ADCY9: variants seen among roughly 807,000 people sequenced by gnomAD.
ADCY9 encodes the protein adenylate cyclase 9.
ADCY9 carries 50 observed loss-of-function variants against 101.5 expected under a neutral mutation model. The observed-to-expected ratio is 0.49, with a 90% CI of 0.39 to 0.62. The LOEUF (loss-of-function observed/expected upper bound fraction) is 0.62, where lower values mean the gene tolerates loss of function less well. Ranked by LOEUF, ADCY9 falls within the 20% of genes least tolerant of loss-of-function variation. The pLI is 0.00. For synonymous variants in ADCY9, 905 were observed against 769.3 expected (o/e 1.18, Z -2.92); for missense variants, 1,662 against 1,800.4 (o/e 0.92, Z 1.39).
intron 2 of ADCY9, among the ~76,000 whole-genome samples, chr16:4,026,380 C>A (rs527724891): frequency 6.9e-6 from 1 of 144,542 alleles, no homozygotes. Flanking sequence ...GCTGAGATCA[C>A]GCCATTGCAC....
At chr16:3,958,102 T>G (rs1433351996), downstream of ADCY9, among the ~76,000 whole-genome samples, 1 of 152,128 alleles carries the variant, frequency 6.6e-6, no homozygotes, top group African/African-American at 2.4e-5. Flanking sequence ...CCATCGGCTC[T>G]TCCCTCAAAG....
At chr16:4,096,229 G>C (rs1286535596) in intron 2 of ADCY9, among the ~76,000 whole-genome samples, 1 of 152,138 alleles carries the variant, frequency 6.6e-6, no homozygotes, top group Non-Finnish European at 1.5e-5. Flanking sequence ...GTTGAAACAA[G>C]AGGACAAAGA....
intron 6 of ADCY9, among the ~76,000 whole-genome samples, chr16:3,985,913 C>T (rs538964066): frequency 6.6e-6 from 1 of 152,232 alleles, no homozygotes; most frequent in Admixed American, 6.5e-5. Context: ...GGGAGTGCCA[C>T]CTGTCCCAGT....
chr16:4,081,953 C>A (rs2056906330), intron 2 of ADCY9, among the ~76,000 whole-genome samples: 1 of 151,938 alleles, frequency 6.6e-6, no homozygotes, highest in Non-Finnish European at 1.5e-5. Flanking sequence ...ATGTGGGTTC[C>A]AAGCAGCAAG....
Position 3,966,314 on chromosome 16 carries a change from C to T in ADCY9, c.3523G>A (p.Gly1175Arg), listed in dbSNP as rs1158584676. 8.7e-6 allele frequency: 14 copies of T among 1,613,998 alleles called. No homozygotes were observed. The highest frequency in any genetic ancestry group is 2.2e-5 in the East Asian group (1 of 44,882). ...AGCAGCTTGGTGGTGCCGATGACCC[C>T]GGCCGTGAGGGGCCCATGGTTGAAG... ...VGFNHGPLTA[G>R]VIGTTKLLYD... is the part of the protein sequence containing the mutation. Residue 1175 changes from glycine (G) to arginine (R), a missense_variant, in exon 11 of 11, where the codon GGG becomes AGG. Coordinates refer to ENST00000294016, the MANE Select transcript of ADCY9 (RefSeq NM_001116.4).
chr16:4,024,253 C>A (rs2056498419), intron 2 of ADCY9, among the ~76,000 whole-genome samples: 1 of 152,014 alleles, frequency 6.6e-6, no homozygotes, highest in South Asian at 2.1e-4. Flanking sequence ...AAAGTCCTGA[C>A]CTCATGATCC....
chr16:3,973,059 C>G (rs1319741844), intron 10 of ADCY9, among the ~76,000 whole-genome samples: 1 of 152,008 alleles, frequency 6.6e-6, no homozygotes, highest in African/African-American at 2.4e-5. Flanking sequence ...CTAGTTGTAC[C>G]TATAGTACAT....
At chr16:4,070,702 T>A (rs113392162) in intron 2 of ADCY9, among the ~76,000 whole-genome samples, 1 of 152,116 alleles carries the variant, frequency 6.6e-6, no homozygotes, top group South Asian at 2.1e-4. Flanking sequence ...TCCTATCACT[T>A]TGGGAGGCCG....
At chr16:4,086,335 G>A (rs1012444630) in intron 2 of ADCY9, among the ~76,000 whole-genome samples, 3 of 152,076 alleles carry the variant, frequency 2.0e-5, no homozygotes, top group African/African-American at 7.2e-5. Context: ...CATGTACTAC[G>A]TGGCAGGGGT....
rs1178101543 is a variant in ADCY9, at chr16:4,114,168, G to A, written c.1275C>T (p.Arg425=). 5 of 1,613,808 alleles carry A rather than the reference G, an allele frequency of 3.1e-6. No homozygotes were observed. The highest frequency in any genetic ancestry group is 2.2e-5 in the East Asian group (1 of 44,896). The change falls in exon 2 of 11, where the codon CGC becomes CGT. Residue 425 remains arginine (R), a synonymous_variant. Coordinates refer to ENST00000294016, the MANE Select transcript of ADCY9 (RefSeq NM_001116.4). The surrounding 1 kb of genome is among the most constrained non-coding windows in gnomAD (Gnocchi z 4.3). The stretch of plus-strand genomic sequence containing the variant: ...TGGTCTCCTCACACAGGCGGTCGAA[G>A]CGACCGAACAGATCGTTCAGGAGAC... The part of the protein sequence containing the change: ...LVGLLNDLFG[R]FDRLCEETKC...
chr16:4,114,288 A>T lies in ADCY9; in HGVS notation c.1155T>A (p.Phe385Leu). The T allele has an allele frequency of 6.2e-7, 1 of 1,613,906 alleles. No individual in the cohort carries two copies. The highest frequency in any genetic ancestry group is 8.5e-7 in the Non-Finnish European group (1 of 1,180,028). ...TGACTTCTTCGATCTGCTGCATCTT[A>T]AAAGGGCGGAAGGCTATAGGAGCTT... is the stretch of plus-strand genomic sequence containing the variant. ...IQKAPIAFRP[F>L]KMQQIEEVSI... Residue 385 changes from phenylalanine (F) to leucine (L), a missense_variant, in exon 2 of 11, where the codon TTT becomes TTA. Physicochemically the swap from Phe to Leu is conservative, Grantham distance 22 (BLOSUM62 0). Around this residue, in one of 5 missense-constraint regions of ADCY9, gnomAD observed 228 missense variants for 301.1 expected, o/e 0.76. Transcript: ENST00000294016. The surrounding 1 kb of genome is among the most constrained non-coding windows in gnomAD (Gnocchi z 4.3).
intron 2 of ADCY9, among the ~76,000 whole-genome samples, chr16:4,063,611 C>T (rs2056784550): frequency 6.6e-6 from 1 of 151,538 alleles, no homozygotes; most frequent in Non-Finnish European, 1.5e-5. Flanking sequence ...CCTTGGGGGG[C>T]TGAGGTGAGA....
At position 3,967,462 on chromosome 16, in the gene ADCY9, C is replaced by T. The variant is rs541960833; in HGVS notation, c.2871-496G>A. ...CTGGAGTGCAATGGCACAATCATGG[C>T]TCACTGCAGCCTTAAACTCCTGGGC... On this transcript the variant is annotated intron_variant, in intron 10 of 10. Coordinates refer to ENST00000294016, the MANE Select transcript of ADCY9 (RefSeq NM_001116.4). Among the ~76,000 whole-genome samples, 15 of 152,102 alleles carry T rather than the reference C, an allele frequency of 9.9e-5. No homozygotes were observed. The East Asian group carries it at 2.9e-3, about 29-fold the overall frequency.
In ADCY9 at chr16:3,983,273, T is replaced by C. The variant is rs1320931932; in HGVS notation, c.2478A>G (p.Ala826=). 8 of 1,554,512 alleles carry C rather than the reference T, an allele frequency of 5.1e-6. No homozygotes were observed. Among genetic ancestry groups the C allele is most frequent in the African/African-American group, 1.4e-5 (1 of 73,288 alleles). ...PPPAALAVFS[A]ALLLEVLSLA... ...GGGACAGCACCTCCAGCAGCAGGGC[T>C]GCACTGAAGACCGCCAGGGCGGCGG... Residue 826 remains alanine, a synonymous_variant, in exon 7 of 11, where the codon GCA becomes GCG. Transcript: ENST00000294016.
rs1417470406 is a variant in ADCY9 at position 3,983,244 on chromosome 16, G to A, written c.2507C>T (p.Ala836Val). ...AALLLEVLSL[A>V]VSIRMVFFLE... is the part of the protein sequence containing the mutation. ...ACGCGGCGCTTACCTGATGGACACC[G>A]CGAGGGACAGCACCTCCAGCAGCAG... The change falls in exon 7 of 11, where the codon GCG becomes GTG. Residue 836 changes from alanine to valine, a missense_variant. Ala to Val is a moderately conservative substitution (Grantham distance 64). Around this residue, in one of 5 missense-constraint regions of ADCY9, gnomAD observed 624 missense variants for 639.1 expected, o/e 0.98. Transcript: ENST00000294016. The A allele has an allele frequency of 2.4e-5, 37 of 1,550,546 alleles. No homozygotes were observed. Among genetic ancestry groups the A allele is most frequent in the South Asian group, 4.8e-5 (4 of 84,052 alleles).
chr16:4,114,614 G>T lies in ADCY9; in HGVS notation c.829C>A (p.Leu277Met). The stretch of plus-strand genomic sequence containing the variant: ...CCCCTGCTCAGCAGCTCCCAGTGCA[G>T]GGCCCCGGCTCCGGGCGAGGGGAAG... ...ACFPSPGAGA[L>M]HWELLSRGLL... Residue 277 changes from leucine (L) to methionine (M), a missense_variant, in exon 2 of 11, where the codon CTG becomes ATG. By Grantham distance (15) the Leu-to-Met change is conservative. Transcript: ENST00000294016. The surrounding 1 kb of genome is among the most constrained non-coding windows in gnomAD (Gnocchi z 4.3). 2 of 1,613,774 alleles carry T rather than the reference G, an allele frequency of 1.2e-6. No individual in the cohort carries two copies. Among genetic ancestry groups the T allele is most frequent in the East Asian group, 2.2e-5 (1 of 44,886 alleles).
At chr16:3,977,418 C>T in intron 9 of ADCY9, 64 bp downstream of exon 9, 1 of 1,522,582 alleles carries the variant, frequency 6.6e-7, no homozygotes, top group Non-Finnish European at 8.9e-7. Context: ...GCAGCCAGGC[C>T]CTACGCAACC....
At chr16:4,099,680 G>A (rs981675148) in intron 2 of ADCY9, among the ~76,000 whole-genome samples, 1 of 152,194 alleles carries the variant, frequency 6.6e-6, no homozygotes, top group African/African-American at 2.4e-5. Flanking sequence ...TATCTGTAAT[G>A]GAATGAAATA....
chr16:4,107,445 G>C (rs538586170), intron 2 of ADCY9, among the ~76,000 whole-genome samples: 8 of 151,234 alleles, frequency 5.3e-5, no homozygotes, highest in Admixed American at 4.6e-4. Flanking sequence ...CAGCTATTTG[G>C]GAGGCTGAGG....
Sources: allele counts gnomAD v4.1 joint callset (sites outside exome capture counted in the v4.1 genomes callset), GRCh38; gene constraint gnomAD v4.1.1; regional missense constraint gnomAD v4.1.1; non-coding constraint Gnocchi (gnomAD v3.1); transcripts MANE v1.5; gene names NCBI Gene and HGNC (gene_info 2026-07-23, HGNC 2026-07-21).